EVI5: variants seen among roughly 807,000 people sequenced by gnomAD.
The protein encoded by EVI5 is ecotropic viral integration site 5 protein homolog.
Under a neutral mutation model 112.0 loss-of-function variants are expected in EVI5, and 73 were observed. The observed-to-expected ratio is 0.65, with a 90% CI of 0.54 to 0.79. The LOEUF is 0.79. Ranked by LOEUF, EVI5 falls within the 30% of genes least tolerant of loss-of-function variation. EVI5 has a pLI of 0.00. For synonymous variants in EVI5, 305 were observed against 319.9 expected (o/e 0.95, Z 0.50); for missense variants, 900 against 968.8 (o/e 0.93, Z 0.94).
In EVI5 at chr1:92,751,390, C is replaced by T. The variant is rs187019726; in HGVS notation, c.-81-14763G>A. ...ATTATATAAATCTCCTCAACATATT[C>T]GAGCATATCACATGTGCTATCAATC... On this transcript the variant is annotated intron_variant, in intron 1 of 19. Transcript: ENST00000684568. 7.2e-5 allele frequency among the ~76,000 whole-genome samples: 11 copies of T among 152,258 alleles called. No homozygotes were observed. The East Asian group carries it at 2.1e-3, about 29-fold the overall frequency.
intron 1 of EVI5, among the ~76,000 whole-genome samples, chr1:92,752,220 G>A (rs193131028): frequency 6.6e-6 from 1 of 152,088 alleles, no homozygotes; most frequent in Admixed American, 6.5e-5. Flanking sequence ...TGTTGCCCAG[G>A]CTAGAGTACA....
chr1:92,581,831 CT>C (rs1671982451), intron 18 of EVI5, among the ~76,000 whole-genome samples: 2 of 152,142 alleles, frequency 1.3e-5, no homozygotes, highest in African/African-American at 4.8e-5. Context: ...TTAAAACCTG[CT>C]ACCTGCTCTT....
At chr1:92,783,848 A>C (rs944328596) in intron 1 of EVI5, among the ~76,000 whole-genome samples, 1 of 151,550 alleles carries the variant, frequency 6.6e-6, no homozygotes, top group Non-Finnish European at 1.5e-5. Context: ...AAAAAGAAAA[A>C]GAGCTTCTGG....
intron 2 of EVI5, among the ~76,000 whole-genome samples, chr1:92,718,122 TAGACAGATCA>T (rs1346499602): frequency 1.3e-5 from 2 of 152,120 alleles, no homozygotes; most frequent in African/African-American, 2.4e-5. Flanking sequence ...CTGTCAATAT[TAGACAGATCA>T]ACAAGACAGA....
chr1:92,683,626 G>A (rs1251657030), intron 9 of EVI5, among the ~76,000 whole-genome samples: 4 of 152,156 alleles, frequency 2.6e-5, no homozygotes, highest in Non-Finnish European at 4.4e-5. Context: ...AAAGGAGCAT[G>A]CTCTAACCCA....
chr1:92,557,641 T>C (rs1246803053), intron 19 of EVI5, among the ~76,000 whole-genome samples: 4 of 152,084 alleles, frequency 2.6e-5, no homozygotes, highest in Admixed American at 1.3e-4. Context: ...GTCAGTAGTA[T>C]TTAGAGATAG....
chr1:92,740,658 G>T (rs897048729), intron 1 of EVI5, among the ~76,000 whole-genome samples: 12 of 152,124 alleles, frequency 7.9e-5, no homozygotes, highest in Non-Finnish European at 2.9e-5. Context: ...GTATGTGTGT[G>T]TCTGTATACA....
intron 1 of EVI5, among the ~76,000 whole-genome samples, chr1:92,781,507 A>T (rs566718658): frequency 2.1e-3 from 312 of 149,692 alleles, no homozygotes; most frequent in African/African-American, 4.7e-3. Context: ...AAAAAAAAAA[A>T]TTTTTTTTGC....
At chr1:92,604,019 G>A (rs1252040587) in intron 18 of EVI5, among the ~76,000 whole-genome samples, 1 of 151,848 alleles carries the variant, frequency 6.6e-6, no homozygotes, top group Non-Finnish European at 1.5e-5. Flanking sequence ...ACAGGCATGA[G>A]TCATTACACC....
At chr1:92,727,278 A>T (rs1378170634) in intron 2 of EVI5, among the ~76,000 whole-genome samples, 1 of 152,160 alleles carries the variant, frequency 6.6e-6, no homozygotes, top group Non-Finnish European at 1.5e-5. Context: ...GGGAGTTTGG[A>T]TAGTAGTAAT....
chr1:92,731,541 G>A (rs904323951), intron 2 of EVI5, among the ~76,000 whole-genome samples: 4 of 152,132 alleles, frequency 2.6e-5, no homozygotes, highest in Non-Finnish European at 4.4e-5. Flanking sequence ...CGTTTTTGTA[G>A]AAATTAACAA....
intron 19 of EVI5, among the ~76,000 whole-genome samples, chr1:92,518,597 C>T (rs1660355092): frequency 6.7e-6 from 1 of 149,874 alleles, no homozygotes; most frequent in African/African-American, 2.5e-5. Flanking sequence ...CCAGAGAATT[C>T]GAGGATAGTA....
intron 5 of EVI5, among the ~76,000 whole-genome samples, chr1:92,698,387 G>A (rs1049685598): frequency 6.6e-6 from 1 of 152,164 alleles, no homozygotes; most frequent in African/African-American, 2.4e-5. Context: ...TATGTCAGAT[G>A]GTGATGGATG....
At chr1:92,759,760 CATA>C (rs1381946318) in intron 1 of EVI5, among the ~76,000 whole-genome samples, 1 of 151,996 alleles carries the variant, frequency 6.6e-6, no homozygotes, top group Non-Finnish European at 1.5e-5. Context: ...TTTTACTTAG[CATA>C]ATGTTTTCAA....
chr1:92,736,260 C>T, intron 2 of EVI5, 138 bp downstream of exon 2: 1 of 609,954 alleles, frequency 1.6e-6, no homozygotes, highest in Non-Finnish European at 2.9e-6. Flanking sequence ...CAATCTCCCC[C>T]CAAAAAAGAT....
chr1:92,561,432 T>C (rs1668514552), intron 19 of EVI5, among the ~76,000 whole-genome samples: 1 of 152,174 alleles, frequency 6.6e-6, no homozygotes, highest in Non-Finnish European at 1.5e-5. Context: ...AATTCTACTC[T>C]GTTGATTAAT....
intron 12 of EVI5, 106 bp downstream of exon 12, chr1:92,663,314 A>C: frequency 4.0e-6 from 2 of 501,902 alleles, no homozygotes; most frequent in East Asian, 3.2e-5. Context: ...TTCTAGAAAA[A>C]CGCATGTAAA....
At chr1:92,619,118 C>G in intron 16 of EVI5, among the ~76,000 whole-genome samples, 1 of 152,116 alleles carries the variant, frequency 6.6e-6, no homozygotes, top group Admixed American at 6.6e-5. Context: ...AAGATCAATA[C>G]AAAGTACTGA....
At chr1:92,775,718 C>A (rs1214980371) in intron 1 of EVI5, among the ~76,000 whole-genome samples, 3 of 152,224 alleles carry the variant, frequency 2.0e-5, no homozygotes, top group Non-Finnish European at 4.4e-5. Flanking sequence ...TTAAGCAACA[C>A]ATGACTGACT....
Sources: allele counts gnomAD v4.1 joint callset (sites outside exome capture counted in the v4.1 genomes callset), GRCh38; gene constraint gnomAD v4.1.1; transcripts MANE v1.5; gene names NCBI Gene and HGNC (gene_info 2026-07-23, HGNC 2026-07-21).